NUDC: variants seen among roughly 807,000 people sequenced by gnomAD.
NUDC encodes the protein nuclear migration protein nudC.
A neutral mutation model predicts 45.0 loss-of-function variants in NUDC; 14 were observed. The ratio of observed to expected loss-of-function variants is 0.31; its 90% CI spans 0.21 to 0.49. The LOEUF (loss-of-function observed/expected upper bound fraction) is 0.49. Ranked by LOEUF, NUDC falls within the 20% of genes least tolerant of loss-of-function variation. The pLI is 0.99. For missense variants in NUDC, 323 were observed against 426.2 expected, an observed-to-expected ratio of 0.76 and a Z score of 2.13; for synonymous variants, 153 against 156.7, an observed-to-expected ratio of 0.98 and a Z score of 0.17.
chr1:26,933,807 G>A (rs1296067711), intron 2 of NUDC, among the ~76,000 whole-genome samples: 1 of 152,142 alleles, frequency 6.6e-6, no homozygotes, highest in Non-Finnish European at 1.5e-5. Flanking sequence ...TTCTGTATTA[G>A]TCTGTTCTCA....
At chr1:26,900,720 A>C (rs1241493614) in intron 1 of NUDC, among the ~76,000 whole-genome samples, 1 of 152,112 alleles carries the variant, frequency 6.6e-6, no homozygotes, top group Admixed American at 6.6e-5. Context: ...GTCATTTTTG[A>C]GGTATTTAGT....
At chr1:26,902,596 C>A (rs190665399) in intron 2 of NUDC, among the ~76,000 whole-genome samples, 106 of 152,204 alleles carry the variant, frequency 7.0e-4, no homozygotes, top group African/African-American at 2.4e-3. Flanking sequence ...CAAATAAAAT[C>A]TCTCCTGGCA....
upstream of NUDC, among the ~76,000 whole-genome samples, chr1:26,920,403 C>T (rs1358772586): frequency 6.6e-6 from 1 of 151,868 alleles, no homozygotes; most frequent in African/African-American, 2.4e-5. Context: ...ATCACTTAAA[C>T]CTGGGAGGCA....
chr1:26,941,313 T>G, intron 2 of NUDC, 144 bp from the exon 3 acceptor site: 1 of 737,834 alleles, frequency 1.4e-6, no homozygotes, highest in South Asian at 1.6e-5. Flanking sequence ...TAGATGTATT[T>G]TCCTCATTTT....
chr1:26,918,718 G>A (rs144184822), upstream of NUDC, among the ~76,000 whole-genome samples: 155 of 151,878 alleles, frequency 1.0e-3, 1 homozygote, highest in East Asian at 3.7e-3. Context: ...GGGATTACAG[G>A]TTCCCACCAC....
chr1:26,938,671 C>G (rs551566065), intron 2 of NUDC, among the ~76,000 whole-genome samples: 10 of 152,312 alleles, frequency 6.6e-5, no homozygotes, highest in African/African-American at 2.4e-4. Flanking sequence ...GGGCATTTAG[C>G]AGAACCCCAG....
Position 26,942,962 on chromosome 1 carries a change from G to A in NUDC, c.638G>A (p.Gly213Glu). The change falls in exon 6 of 9, where the codon GGG (glycine) becomes GAG (glutamate). Residue 213 changes from glycine to glutamate, a missense_variant. Gly to Glu is a moderately conservative substitution (Grantham distance 98). This residue lies in a region of NUDC where 245 missense variants were observed against 278.8 expected (regional missense o/e 0.88). Transcript: ENST00000321265. Reference protein sequence around the residue: ...QRRHLRVGLKGQPAIIDGELY... With the variant: ...QRRHLRVGLKEQPAIIDGELY... ...CGGCACCTCCGGGTGGGGCTCAAGGGGCAGCCAGCGATCATTGATGGGGAG... is the reference window on the plus strand; with the variant it reads ...CGGCACCTCCGGGTGGGGCTCAAGGAGCAGCCAGCGATCATTGATGGGGAG... The A allele has an allele frequency of 6.2e-7, 1 of 1,614,162 alleles. No homozygotes were observed. The highest frequency in any genetic ancestry group is 8.5e-7 in the Non-Finnish European group (1 of 1,180,028).
chr1:26,944,880 A>G (rs1176152800), intron 6 of NUDC, among the ~76,000 whole-genome samples: 1 of 152,044 alleles, frequency 6.6e-6, no homozygotes, highest in African/African-American at 2.4e-5. Flanking sequence ...CGTCTCTACT[A>G]AAAATACAAA....
chr1:26,911,727 A>T, intron 3 of NUDC: 1 of 1,204,714 alleles, frequency 8.3e-7, no homozygotes, highest in Non-Finnish European at 1.2e-6. Flanking sequence ...CTAAGGAGCC[A>T]AGTGCTGTCT....
chr1:26,908,319 C>T (rs974396542), intron 2 of NUDC, among the ~76,000 whole-genome samples: 2 of 152,200 alleles, frequency 1.3e-5, no homozygotes, highest in Admixed American at 6.5e-5. Context: ...TGGAGACATA[C>T]TTCCCCACTT....
intron 2 of NUDC, among the ~76,000 whole-genome samples, chr1:26,927,511 C>G (rs575835997): frequency 3.8e-4 from 58 of 151,552 alleles, no homozygotes; most frequent in African/African-American, 1.4e-3. Flanking sequence ...GATTCTTCTG[C>G]CTCAGCCTCC....
chr1:26,933,853 C>G (rs180926544), intron 2 of NUDC, among the ~76,000 whole-genome samples: 1 of 151,960 alleles, frequency 6.6e-6, no homozygotes, highest in African/African-American at 2.4e-5. Flanking sequence ...CTGGGTAATT[C>G]ATAAAGAAAA....
chr1:26,935,422 C>T (rs2082221120), intron 2 of NUDC, among the ~76,000 whole-genome samples: 1 of 152,044 alleles, frequency 6.6e-6, no homozygotes, highest in Non-Finnish European at 1.5e-5. Flanking sequence ...GCTGAGGAAG[C>T]CTTAGGAAAC....
Position 26,946,145 on chromosome 1 carries a change from T to A in NUDC, c.960T>A (p.His320Gln). Reference sequence around the variant, plus strand: ...GTTTCTCCAGGTTCATGGATCAACATCCGGAGATGGATTTTTCCAAGGCTA... The same window carrying A: ...GTTTCTCCAGGTTCATGGATCAACAACCGGAGATGGATTTTTCCAAGGCTA... ...QEILKKFMDQ[H>Q]PEMDFSKAKF... The change falls in exon 9 of 9, where the codon CAT becomes CAA. Residue 320 changes from histidine to glutamine, a missense_variant. Transcript: ENST00000321265. 1 of 1,613,966 alleles carries A rather than the reference T, an allele frequency of 6.2e-7. No individual in the cohort carries two copies. The highest frequency in any genetic ancestry group is 8.5e-7 in the Non-Finnish European group (1 of 1,179,974).
intron 2 of NUDC, among the ~76,000 whole-genome samples, chr1:26,929,028 G>C (rs2082156886): frequency 6.6e-6 from 1 of 152,184 alleles, no homozygotes; most frequent in South Asian, 2.1e-4. Context: ...CCATCAGCAG[G>C]TGAATGGATA....
At chr1:26,920,478 C>T (rs2082083577), upstream of NUDC, among the ~76,000 whole-genome samples, 1 of 146,464 alleles carries the variant, frequency 6.8e-6, no homozygotes, top group Non-Finnish European at 1.5e-5. Context: ...GAGACTTGGT[C>T]TAAAAAAAAA....
At chr1:26,913,748 T>G (rs2082043986) in intron 3 of NUDC, 1 of 1,590,984 alleles carries the variant, frequency 6.3e-7, no homozygotes, top group Non-Finnish European at 8.6e-7. Flanking sequence ...GCCACTGTCT[T>G]GGCCAGAACA....
At position 26,936,651 on chromosome 1, in the gene NUDC, A is replaced by AT. The variant is rs892669255; in HGVS notation, c.160-4802dup. ...CACCCTACCTGGCCTACAAAAAAAA[A>AT]TTTTAAGATTTAAAAAATAAAACAC... On this transcript the variant is annotated intron_variant, in intron 2 of 8. Transcript: ENST00000321265. 7.2e-5 allele frequency among the ~76,000 whole-genome samples: 11 copies of AT among 152,192 alleles called. No individual in the cohort carries two copies. In the East Asian group the frequency reaches 2.1e-3, roughly 29 times the overall value.
intron 6 of NUDC, among the ~76,000 whole-genome samples, chr1:26,943,433 G>A (rs985625352): frequency 4.6e-5 from 7 of 152,056 alleles, no homozygotes; most frequent in Non-Finnish European, 1.0e-4. Context: ...TCCCAGGCTG[G>A]TCTTGAACTC....
Sources: gnomAD v4.1 joint callset for allele counts (sites outside exome capture counted in the v4.1 genomes callset) on GRCh38, gnomAD v4.1.1 for gene constraint, gnomAD v4.1.1 regional missense constraint, MANE v1.5 for transcripts, NCBI Gene and HGNC (gene_info 2026-07-23, HGNC 2026-07-21) for gene names.